RAB38: variants seen among roughly 807,000 people sequenced by gnomAD.
RAB38 encodes the protein ras-related protein Rab-38.
In RAB38, 15 loss-of-function variants were observed where a neutral mutation model predicts 18.4. That is an observed-to-expected ratio of 0.82 (90% CI 0.55 to 1.26). The LOEUF (loss-of-function observed/expected upper bound fraction) is 1.26. Ranked by LOEUF, RAB38 falls within the 50% of genes most tolerant of loss-of-function variation. The pLI is 0.00. For synonymous variants in RAB38, 101 were observed against 104.4 expected (o/e 0.97, Z 0.20); for missense variants, 294 against 267.4 (o/e 1.10, Z -0.69).
intron 1 of RAB38, among the ~76,000 whole-genome samples, chr11:88,162,780 T>C (rs1011271429): frequency 1.3e-5 from 2 of 152,066 alleles, no homozygotes; most frequent in Non-Finnish European, 2.9e-5. Flanking sequence ...CACTCTTAGA[T>C]CTACAAGTTA....
chr11:87,951,485 T>C, the RAB38 span, among the ~76,000 whole-genome samples: 3 of 149,288 alleles, frequency 2.0e-5, no homozygotes, highest in Non-Finnish European at 2.9e-5. Context: ...TTTTAGAGTT[T>C]CTGGTTTTTC....
chr11:88,056,018 CGT>C, the RAB38 span, among the ~76,000 whole-genome samples: 9 of 149,838 alleles, frequency 6.0e-5, no homozygotes, highest in South Asian at 6.3e-4. Flanking sequence ...TTTTTTCTTT[CGT>C]GTGTGTGTGT....
the RAB38 span, among the ~76,000 whole-genome samples, chr11:88,044,176 G>A: frequency 4.7e-4 from 72 of 152,234 alleles, no homozygotes; most frequent in African/African-American, 1.6e-3. Context: ...ATCATTGCAG[G>A]GACACCTGCC....
At chr11:88,160,006 C>A (rs1943171325) in intron 1 of RAB38, among the ~76,000 whole-genome samples, 1 of 152,066 alleles carries the variant, frequency 6.6e-6, no homozygotes. Context: ...AGAGCTTCTG[C>A]ACAGCAAAAG....
chr11:87,899,553 A>G, the RAB38 span, among the ~76,000 whole-genome samples: 1 of 151,622 alleles, frequency 6.6e-6, no homozygotes, highest in East Asian at 2.0e-4. Context: ...TAATTACTAA[A>G]TAGGTCCCAC....
chr11:87,811,453 C>T, the RAB38 span, among the ~76,000 whole-genome samples: 1 of 152,134 alleles, frequency 6.6e-6, no homozygotes, highest in Non-Finnish European at 1.5e-5. Context: ...TATAAAATAC[C>T]TACACAATTG....
At chr11:88,021,563 A>AATTT in the RAB38 span, among the ~76,000 whole-genome samples, 5,477 of 141,808 alleles carry the variant, frequency 0.039, 145 homozygotes, top group African/African-American at 0.075. Flanking sequence ...AGAGAAAGAT[A>AATTT]ATTTATTTAT....
chr11:88,168,737 T>C (rs776251147), intron 1 of RAB38, among the ~76,000 whole-genome samples: 1 of 152,128 alleles, frequency 6.6e-6, no homozygotes, highest in African/African-American at 2.4e-5. Flanking sequence ...AATGACAGTT[T>C]CTTTGTTCCT....
chr11:88,006,244 A>C, the RAB38 span, among the ~76,000 whole-genome samples: 9 of 151,586 alleles, frequency 5.9e-5, no homozygotes, highest in Non-Finnish European at 1.2e-4. Context: ...CTCCAGTCAG[A>C]ATGACAATTT....
chr11:87,804,773 A>G, the RAB38 span, among the ~76,000 whole-genome samples: 1 of 152,196 alleles, frequency 6.6e-6, no homozygotes. Flanking sequence ...TATATAATCC[A>G]TAAGTCACTT....
the RAB38 span, among the ~76,000 whole-genome samples, chr11:87,871,989 T>C: frequency 6.6e-6 from 1 of 151,580 alleles, no homozygotes; most frequent in Non-Finnish European, 1.5e-5. Context: ...TTTTGTTGGA[T>C]ATATATACAT....
chr11:87,865,863 T>C, the RAB38 span, among the ~76,000 whole-genome samples: 2 of 151,832 alleles, frequency 1.3e-5, no homozygotes, highest in South Asian at 4.1e-4. Context: ...TGTCAGGTTA[T>C]ATCTCAGGGA....
the RAB38 span, among the ~76,000 whole-genome samples, chr11:87,809,242 G>A: frequency 6.6e-6 from 1 of 152,112 alleles, no homozygotes; most frequent in Non-Finnish European, 1.5e-5. Context: ...TAAAATATAA[G>A]GATATAGAAG....
At chr11:87,888,526 C>T in the RAB38 span, among the ~76,000 whole-genome samples, 3 of 151,910 alleles carry the variant, frequency 2.0e-5, no homozygotes, top group Non-Finnish European at 2.9e-5. Flanking sequence ...TAAAGATAAT[C>T]CGTGCCTTGA....
At chr11:87,924,822 T>A in the RAB38 span, among the ~76,000 whole-genome samples, 2 of 152,028 alleles carry the variant, frequency 1.3e-5, no homozygotes, top group African/African-American at 4.8e-5. Context: ...ATTCCAAAGA[T>A]CCAGTTTTTC....
At chr11:87,815,949 T>G in the RAB38 span, 1 of 152,402 alleles carries the variant, frequency 6.6e-6, no homozygotes, top group African/African-American at 2.4e-5. Flanking sequence ...ACATCTCGGC[T>G]AATATGAGTG....
rs143027142 is a variant in RAB38 at position 88,130,623 on chromosome 11, A to G, written c.484-16483T>C. Among the ~76,000 whole-genome samples, 20 of 152,308 alleles carry G rather than the reference A, an allele frequency of 1.3e-4. No individual in the cohort carries two copies. In the East Asian group the frequency reaches 3.9e-3, roughly 29 times the overall value. On this transcript the variant is annotated intron_variant, in intron 2 of 2. Transcript: ENST00000243662. ...TGATCTTTAGTATAATGCCCCTCTT[A>G]ATGTCCCTGCTGACAAGGTGACTAT...
At chr11:87,823,594 G>T in the RAB38 span, among the ~76,000 whole-genome samples, 1 of 152,104 alleles carries the variant, frequency 6.6e-6, no homozygotes, top group Non-Finnish European at 1.5e-5. Context: ...AGAATAGAAA[G>T]TTCAGAAATA....
At chr11:88,116,775 C>T (rs184961477) in intron 2 of RAB38, among the ~76,000 whole-genome samples, 6 of 152,234 alleles carry the variant, frequency 3.9e-5, no homozygotes, top group Admixed American at 1.3e-4. Context: ...GGCCTTTCTT[C>T]GTATATGATA....
Sources: gnomAD v4.1 joint callset for allele counts (sites outside exome capture counted in the v4.1 genomes callset) on GRCh38, gnomAD v4.1.1 for gene constraint, MANE v1.5 for transcripts, NCBI Gene and HGNC (gene_info 2026-07-23, HGNC 2026-07-21) for gene names.